The following PYGM variants were observed in gnomAD, a reference collection of about 807,000 sequenced individuals.
PYGM encodes glycogen phosphorylase, muscle form.
In PYGM, 81 loss-of-function variants were observed where a neutral mutation model predicts 99.3. That is an observed-to-expected ratio of 0.82 (90% confidence interval 0.68 to 0.98). The LOEUF (loss-of-function observed/expected upper bound fraction) is 0.98, where lower values mean the gene tolerates loss of function less well. PYGM is among the 50% of genes least tolerant of loss of function. The pLI, the probability that PYGM is intolerant of heterozygous loss-of-function variation, is 0.00. For missense variants in PYGM, 1,030 were observed against 1,158.1 expected (o/e 0.89, Z 1.61); for synonymous variants, 436 against 451.5 (o/e 0.97, Z 0.44).
chr11:64,752,925 G>T, intron 12 of PYGM, 148 bp downstream of exon 12: 1 of 832,496 alleles, frequency 1.2e-6, no homozygotes, highest in Non-Finnish European at 2.1e-6. Context: ...CCTCCTCCAG[G>T]TGGATGCGAG....
At chr11:64,760,598 G>A (rs1015920734), upstream of PYGM, among the ~76,000 whole-genome samples, 11 of 152,248 alleles carry the variant, frequency 7.2e-5, no homozygotes, top group Admixed American at 5.9e-4. Context: ...CAGCATTGGC[G>A]GGAGGCCGCT....
At chr11:64,750,314 C>T in intron 17 of PYGM, 62 bp downstream of exon 17, 1 of 1,587,360 alleles carries the variant, frequency 6.3e-7, no homozygotes, top group Middle Eastern at 1.7e-4. Context: ...CGCTTGCTCC[C>T]AGCACCACTC....
Position 64,759,970 on chromosome 11 carries a change from G to A in PYGM, c.-72C>T, listed in dbSNP as rs1199782410. 6.3e-7 allele frequency: 1 copy of A among 1,590,172 alleles called. No homozygotes were observed. Among genetic ancestry groups the A allele is most frequent in the Non-Finnish European group, 8.6e-7 (1 of 1,166,488 alleles). On this transcript the variant is annotated 5_prime_UTR_variant, in exon 1 of 20. Transcript: ENST00000164139. Reference sequence around the variant, plus strand: ...CGGCCTCAGCACTGCCTCCAGCCAAGGAGTGGAGCTCCCCAGCCTCAAGGG... The same window carrying A: ...CGGCCTCAGCACTGCCTCCAGCCAAAGAGTGGAGCTCCCCAGCCTCAAGGG...
intron 14 of PYGM, 80 bp downstream of exon 14, chr11:64,751,844 G>C (rs941037210): frequency 6.3e-7 from 1 of 1,584,446 alleles, no homozygotes; most frequent in Non-Finnish European, 8.7e-7. Flanking sequence ...GTCCAAAGGA[G>C]ATGTTGGTTG....
Position 64,746,721 on chromosome 11 carries a change from G to A in PYGM, c.2467C>T (p.Arg823Trp), listed in dbSNP as rs200464333. 42 of 1,614,162 alleles carry A rather than the reference G, an allele frequency of 2.6e-5. 1 individual carries two copies. Among genetic ancestry groups the A allele is most frequent in the South Asian group, 4.4e-5 (4 of 91,088 alleles). ...GAAGGCTCCACACCCCAGATCTCCC[G>A]GGCATACTGGGCAATGGTGCGGTCA... The part of the protein sequence containing the change: ...SSDRTIAQYA[R>W]EIWGVEPSRQ... The change falls in exon 20 of 20, where the codon CGG (arginine) becomes TGG (tryptophan). Residue 823 changes from arginine to tryptophan, a missense_variant. Transcript: ENST00000164139.
chr11:64,760,229 T>C (rs1484514543), upstream of PYGM: 2 of 337,812 alleles, frequency 5.9e-6, no homozygotes, highest in Non-Finnish European at 1.1e-5. Flanking sequence ...TTTTGGAGGG[T>C]TGGATACAAG....
At chr11:64,756,716 G>A (rs1245218243) in intron 5 of PYGM, among the ~76,000 whole-genome samples, 2 of 152,184 alleles carry the variant, frequency 1.3e-5, no homozygotes, top group African/African-American at 4.8e-5. Flanking sequence ...GCCTCCCAAA[G>A]TGCTGAGATT....
At chr11:64,760,089 G>GGAGGA (rs2058425047), upstream of PYGM, 2 of 882,356 alleles carry the variant, frequency 2.3e-6, no homozygotes. Context: ...GAGGGCAAGG[G>GGAGGA]GAGGAGAGGA....
At chr11:64,753,750 C>T in intron 10 of PYGM, 68 bp from the exon 11 acceptor site, 1 of 1,544,204 alleles carries the variant, frequency 6.5e-7, no homozygotes, top group Admixed American at 2.0e-5. Flanking sequence ...CAGCCCCACA[C>T]CCCCAGAGCT....
At position 64,759,954 on chromosome 11, in the gene PYGM, C is replaced by G. The variant is rs1037139837; in HGVS notation, c.-56G>C. 5.6e-6 allele frequency: 9 copies of G among 1,601,808 alleles called. No homozygotes were observed. Among genetic ancestry groups the G allele is most frequent in the East Asian group, 4.5e-5 (2 of 44,736 alleles). On this transcript the variant is annotated 5_prime_UTR_variant, in exon 1 of 20. Transcript: ENST00000164139. ...ATGGTAGAGGGGACGGCGGCCTCAG[C>G]ACTGCCTCCAGCCAAGGAGTGGAGC...
rs369890001 is a variant in PYGM, at chr11:64,752,510, G to C, written c.1519-6C>G. 1 of 1,612,450 alleles carries C rather than the reference G, an allele frequency of 6.2e-7. No homozygotes were observed. The highest frequency in any genetic ancestry group is 8.5e-7 in the Non-Finnish European group (1 of 1,178,884). The stretch of plus-strand genomic sequence containing the variant: ...ATGAAGTCCTCCCCGATGCGCTATG[G>C]GAAGACGGCTCTCAGCCAAGCCCAT... On this transcript the variant is annotated splice_polypyrimidine_tract_variant and splice_region_variant and intron_variant, in intron 12 of 19. Coordinates refer to ENST00000164139, the MANE Select transcript of PYGM (RefSeq NM_005609.4).
rs1194150589 is a variant in PYGM, at chr11:64,754,456, G to T, written c.1000-111C>A. On this transcript the variant is annotated intron_variant, in intron 8 of 19. Transcript: ENST00000164139. This position sits in a 1 kb window ranked among gnomAD's most constrained non-coding sequence, Gnocchi z 5.5. The stretch of plus-strand genomic sequence containing the variant: ...GAGCCCAGCACGGTTCTGTGACTGG[G>T]CTGTGGGCAGAGGCAGGCCGGTGCT... The T allele has an allele frequency of 2.7e-6, 3 of 1,091,496 alleles. No homozygotes were observed. Among genetic ancestry groups the T allele is most frequent in the African/African-American group, 1.6e-5 (1 of 64,122 alleles). 67.6% of individuals were successfully genotyped at this position (1,091,496 alleles called of 1,614,324 possible).
At position 64,754,115 on chromosome 11, in the gene PYGM, G is replaced by C; in HGVS notation, c.1093-90C>G. ...CATCCCAGTGGGCCCCCCCACTGCAGTGCCAGGTTCCAGGACGGTCCCTCT... is the reference window on the plus strand; with the variant it reads ...CATCCCAGTGGGCCCCCCCACTGCACTGCCAGGTTCCAGGACGGTCCCTCT... On this transcript the variant is annotated intron_variant, in intron 9 of 19. Coordinates refer to ENST00000164139, the MANE Select transcript of PYGM (RefSeq NM_005609.4). The surrounding 1 kb of genome is among the most constrained non-coding windows in gnomAD (Gnocchi z 5.5). 1 of 1,599,744 alleles carries C rather than the reference G, an allele frequency of 6.3e-7. No individual in the cohort carries two copies. The highest frequency in any genetic ancestry group is 8.6e-7 in the Non-Finnish European group (1 of 1,168,794).
Position 64,757,925 on chromosome 11 carries a change from G to C in PYGM, c.529-15C>G. 2 of 1,613,766 alleles carry C rather than the reference G, an allele frequency of 1.2e-6. No individual in the cohort carries two copies. ...GCCTCCTCCATCTGCACCCAAGGCA[G>C]GTCAGGGAGAAAGGCCAGCAGTATC... On this transcript the variant is annotated splice_polypyrimidine_tract_variant and intron_variant, in intron 4 of 19. Coordinates refer to ENST00000164139, the MANE Select transcript of PYGM (RefSeq NM_005609.4).
In PYGM at chr11:64,751,659, T is replaced by G. The variant is rs1592409359; in HGVS notation, c.1769-4A>C. ...TTATTGGGCTCCCTCTTGATGCCTG[T>G]GGAGAAACGAGAGGGATCCAGTGGG... is the stretch of plus-strand genomic sequence containing the variant. On this transcript the variant is annotated splice_region_variant and splice_polypyrimidine_tract_variant and intron_variant, in intron 14 of 19. Transcript: ENST00000164139. The G allele has an allele frequency of 2.5e-6, 4 of 1,613,934 alleles. 1 individual carries two copies. The South Asian group carries it at 4.4e-5, about 18-fold the overall frequency.
intron 13 of PYGM, 108 bp from the exon 14 acceptor site, chr11:64,752,179 G>GCTACTT (rs1350425327): frequency 2.0e-6 from 3 of 1,499,784 alleles, no homozygotes; most frequent in Non-Finnish European, 2.8e-6. Context: ...AGGCTCACTG[G>GCTACTT]CTACTTCTGT....
In PYGM at chr11:64,755,716, T is replaced by C. The variant is rs2058390269; in HGVS notation, c.661-158A>G. 6.6e-6 allele frequency among the ~76,000 whole-genome samples: 1 copy of C among 152,102 alleles called. No homozygotes were observed. Among genetic ancestry groups the C allele is most frequent in the African/African-American group, 2.4e-5 (1 of 41,410 alleles). On this transcript the variant is annotated intron_variant, in intron 5 of 19. Transcript: ENST00000164139. The surrounding 1 kb of genome is among the most constrained non-coding windows in gnomAD (Gnocchi z 4.1). ...GGGTAACCATGAGCAAACCCCATAGTCTCTCTGGACCGCATCTAGAGCAAA... is the reference window on the plus strand; with the variant it reads ...GGGTAACCATGAGCAAACCCCATAGCCTCTCTGGACCGCATCTAGAGCAAA...
chr11:64,749,756 A>T (rs1050123893), intron 17 of PYGM, among the ~76,000 whole-genome samples: 1 of 151,786 alleles, frequency 6.6e-6, no homozygotes, highest in Admixed American at 6.6e-5. Flanking sequence ...TACTGTGCCC[A>T]TATTTCCCTT....
At chr11:64,747,399 T>TC (rs2058322584) in intron 17 of PYGM, 41 bp from the exon 18 acceptor site, 1 of 1,613,378 alleles carries the variant, frequency 6.2e-7, no homozygotes, top group East Asian at 2.2e-5. Context: ...GGAAAGGGGT[T>TC]CCTGGCTCCT....
Sources: allele counts gnomAD v4.1 joint callset (sites outside exome capture counted in the v4.1 genomes callset), GRCh38; gene constraint gnomAD v4.1.1; non-coding constraint Gnocchi (gnomAD v3.1); transcripts MANE v1.5; gene names NCBI Gene and HGNC (gene_info 2026-07-23, HGNC 2026-07-21).